GRIK2: variants seen among roughly 807,000 people sequenced by gnomAD.
GRIK2 encodes glutamate receptor ionotropic, kainate 2.
In GRIK2, 32 loss-of-function variants were observed where a neutral mutation model predicts 100.3. The ratio of observed to expected loss-of-function variants is 0.32; its 90% CI spans 0.24 to 0.43. The LOEUF is 0.43. Among genes scored for constraint, GRIK2 ranks in the 20% least tolerant of loss-of-function variants. The pLI is 1.00. For synonymous variants in GRIK2, 417 were observed against 389.4 expected (o/e 1.07, Z -0.83); for missense variants, 843 against 1,114.9 (o/e 0.76, Z 3.47).
intron 2 of GRIK2, among the ~76,000 whole-genome samples, chr6:101,610,955 C>A (rs1425350254): frequency 6.6e-6 from 1 of 151,640 alleles, no homozygotes; most frequent in Non-Finnish European, 1.5e-5. Context: ...AGTATGCAGG[C>A]CCTCTTGGTT....
intron 7 of GRIK2, among the ~76,000 whole-genome samples, chr6:101,705,277 T>C (rs974093349): frequency 2.6e-5 from 4 of 151,548 alleles, no homozygotes; most frequent in African/African-American, 9.7e-5. Context: ...TTAATTCAGC[T>C]TTGTTATCCT....
chr6:101,803,505 A>G (rs1429559429), intron 9 of GRIK2, among the ~76,000 whole-genome samples: 4 of 151,890 alleles, frequency 2.6e-5, no homozygotes, highest in Non-Finnish European at 5.9e-5. Flanking sequence ...ATTTTATAAT[A>G]AACTGGAACC....
chr6:101,625,636 A>G (rs551030027), intron 3 of GRIK2, among the ~76,000 whole-genome samples: 1 of 152,224 alleles, frequency 6.6e-6, no homozygotes, highest in Admixed American at 6.5e-5. Context: ...AGTCTATTTT[A>G]ATCTGAATAC....
chr6:101,976,495 G>A (rs1793389248), intron 14 of GRIK2, among the ~76,000 whole-genome samples: 3 of 151,826 alleles, frequency 2.0e-5, no homozygotes, highest in Admixed American at 1.3e-4. Context: ...CCAGCAGTTC[G>A]AGACCAGCTG....
chr6:101,514,899 T>G (rs995573140), intron 2 of GRIK2, among the ~76,000 whole-genome samples: 19 of 152,104 alleles, frequency 1.2e-4, no homozygotes, highest in African/African-American at 4.6e-4. Flanking sequence ...TGTTTTCTTT[T>G]TATTTTATTT....
At chr6:101,923,980 A>AT (rs2128470144) in intron 12 of GRIK2, among the ~76,000 whole-genome samples, 1 of 150,462 alleles carries the variant, frequency 6.6e-6, no homozygotes, top group South Asian at 2.1e-4. Context: ...TATCATGCTG[A>AT]TTGGCATGTT....
intron 2 of GRIK2, among the ~76,000 whole-genome samples, chr6:101,611,219 C>T (rs73508640): frequency 0.12 from 18,284 of 151,736 alleles, 1,189 homozygotes; most frequent in Admixed American, 0.16. Context: ...TGCCAGAAAA[C>T]AACCAATCTT....
At chr6:101,764,888 C>A (rs917686406) in intron 7 of GRIK2, among the ~76,000 whole-genome samples, 2 of 151,964 alleles carry the variant, frequency 1.3e-5, no homozygotes, top group Admixed American at 6.6e-5. Flanking sequence ...CTAGCCATGG[C>A]TGACGAAATC....
intron 2 of GRIK2, among the ~76,000 whole-genome samples, chr6:101,523,158 G>T (rs1456979752): frequency 2.0e-5 from 3 of 152,022 alleles, no homozygotes; most frequent in African/African-American, 7.2e-5. Flanking sequence ...CCATCTTAGG[G>T]AATTATTATC....
At chr6:101,643,354 T>TTACATTTAGG (rs1326668588) in intron 4 of GRIK2, among the ~76,000 whole-genome samples, 2 of 151,672 alleles carry the variant, frequency 1.3e-5, no homozygotes, top group Admixed American at 6.6e-5. Flanking sequence ...GTTTTAGATC[T>TTACATTTAGG]TACATTTAGG....
chr6:101,758,324 G>A (rs922373625), intron 7 of GRIK2, among the ~76,000 whole-genome samples: 1 of 152,118 alleles, frequency 6.6e-6, no homozygotes, highest in Admixed American at 6.5e-5. Flanking sequence ...TTTTTTCAGT[G>A]TATTTCAGTA....
At chr6:101,624,411 G>A (rs1247014762) in intron 3 of GRIK2, among the ~76,000 whole-genome samples, 2 of 152,014 alleles carry the variant, frequency 1.3e-5, no homozygotes. Flanking sequence ...TAAAAAGTAA[G>A]AATCCATGTA....
intron 7 of GRIK2, among the ~76,000 whole-genome samples, chr6:101,783,059 T>C (rs1047928036): frequency 3.3e-5 from 5 of 151,816 alleles, no homozygotes; most frequent in Admixed American, 2.0e-4. Flanking sequence ...GGGGTTTCAC[T>C]GTGTTAGCCA....
chr6:101,526,998 G>A (rs1332778355), intron 2 of GRIK2, among the ~76,000 whole-genome samples: 1 of 152,142 alleles, frequency 6.6e-6, no homozygotes, highest in African/African-American at 2.4e-5. Context: ...CATACCCTTA[G>A]GCTATTCCAG....
intron 14 of GRIK2, among the ~76,000 whole-genome samples, chr6:102,018,731 T>C (rs1342960064): frequency 6.6e-6 from 1 of 152,104 alleles, no homozygotes; most frequent in African/African-American, 2.4e-5. Flanking sequence ...AGAAGCATTG[T>C]TGACTCTTCA....
At chr6:101,896,513 A>C (rs1332258139) in intron 12 of GRIK2, among the ~76,000 whole-genome samples, 2 of 151,786 alleles carry the variant, frequency 1.3e-5, no homozygotes, top group African/African-American at 4.8e-5. Context: ...TTTTAGAAGT[A>C]TCTACATCAA....
chr6:101,655,840 T>A (rs1782032259), intron 4 of GRIK2, among the ~76,000 whole-genome samples: 1 of 152,044 alleles, frequency 6.6e-6, no homozygotes, highest in African/African-American at 2.4e-5. Context: ...CCTACAGAAT[T>A]ACAAGGACCA....
At chr6:101,521,169 T>A (rs1180563143) in intron 2 of GRIK2, among the ~76,000 whole-genome samples, 29 of 152,026 alleles carry the variant, frequency 1.9e-4, no homozygotes, top group Non-Finnish European at 5.9e-5. Flanking sequence ...AAATTACAGT[T>A]TCAAAGATAA....
intron 7 of GRIK2, among the ~76,000 whole-genome samples, chr6:101,746,321 C>A (rs1776418109): frequency 6.6e-6 from 1 of 152,050 alleles, no homozygotes; most frequent in Admixed American, 6.6e-5. Flanking sequence ...CATCCTGCTA[C>A]CTTCAAATAT....
Sources: gnomAD v4.1 joint callset for allele counts (sites outside exome capture counted in the v4.1 genomes callset) on GRCh38, gnomAD v4.1.1 for gene constraint, MANE v1.5 for transcripts, NCBI Gene and HGNC (gene_info 2026-07-23, HGNC 2026-07-21) for gene names.